Variants in AXDND1 observed in about 807,000 individuals in gnomAD.
AXDND1 encodes the protein axonemal dynein light chain domain-containing protein 1.
Under a neutral mutation model 137.5 loss-of-function variants are expected in AXDND1, and 110 were observed. The observed-to-expected ratio is 0.80, with a 90% CI of 0.69 to 0.94. The LOEUF is 0.94. Among genes scored for constraint, AXDND1 ranks in the 40% least tolerant of loss-of-function variants. The probability of loss-of-function intolerance (pLI) is 0.00; values close to 1 mark genes in which losing one functional copy is unlikely to be tolerated. For missense variants in AXDND1, 1,191 were observed against 1,169.8 expected (o/e 1.02, Z -0.26); for synonymous variants, 414 against 399.7 (o/e 1.04, Z -0.43).
At chr1:179,470,079 A>G (rs914530279) in intron 17 of AXDND1, among the ~76,000 whole-genome samples, 1 of 152,174 alleles carries the variant, frequency 6.6e-6, no homozygotes, top group East Asian at 1.9e-4. Flanking sequence ...GTTGAAGACT[A>G]TTCTTTCTCC....
chr1:179,478,638 G>A (rs1001716631), intron 17 of AXDND1, among the ~76,000 whole-genome samples: 1 of 152,232 alleles, frequency 6.6e-6, no homozygotes, highest in African/African-American at 2.4e-5. Context: ...TCTCTGACAT[G>A]ACCTGGAGAC....
At chr1:179,481,326 C>T (rs4652399) in intron 17 of AXDND1, among the ~76,000 whole-genome samples, 69,228 of 151,046 alleles carry the variant, frequency 0.46, 16,740 homozygotes, top group East Asian at 0.76. Flanking sequence ...TCATTTTTTA[C>T]GGCTGCATAG....
chr1:179,447,803 T>G, intron 16 of AXDND1: 1 of 1,306,202 alleles, frequency 7.7e-7, no homozygotes, highest in Non-Finnish European at 1.1e-6. Context: ...CTGCTTCCAG[T>G]TCCATTTGGC....
intron 5 of AXDND1, 92 bp from the exon 6 acceptor site, chr1:179,379,305 A>G (rs1463231803): frequency 4.5e-6 from 6 of 1,337,478 alleles, no homozygotes; most frequent in Admixed American, 2.7e-5. Flanking sequence ...AAAAAATAGT[A>G]TCTCTTTAGG....
intron 17 of AXDND1, 75 bp from the exon 18 acceptor site, chr1:179,483,053 C>CT: frequency 1.0e-6 from 1 of 999,336 alleles, no homozygotes. Flanking sequence ...AAATAAAACT[C>CT]TTTCTCATAG....
chr1:179,478,694 T>C (rs11809095), intron 17 of AXDND1, among the ~76,000 whole-genome samples: 6,948 of 152,338 alleles, frequency 0.046, 240 homozygotes, highest in Non-Finnish European at 0.069. Context: ...CCTCATTACT[T>C]ATGCAGATTT....
intron 17 of AXDND1, among the ~76,000 whole-genome samples, chr1:179,478,654 C>A (rs148657976): frequency 7.2e-4 from 110 of 152,342 alleles, no homozygotes; most frequent in African/African-American, 2.6e-3. Context: ...GAGACATTTT[C>A]CCCATTGTCT....
intron 11 of AXDND1, among the ~76,000 whole-genome samples, chr1:179,407,932 T>C (rs939024528): frequency 6.6e-6 from 1 of 152,244 alleles, no homozygotes; most frequent in Non-Finnish European, 1.5e-5. Flanking sequence ...ACATAAGCTT[T>C]CTTCATTGTT....
intron 15 of AXDND1, among the ~76,000 whole-genome samples, 186 bp downstream of exon 15, chr1:179,432,528 C>T (rs553643909): frequency 3.9e-5 from 6 of 151,966 alleles, no homozygotes; most frequent in African/African-American, 7.3e-5. Context: ...TGAGTTCAAG[C>T]GATTCTCCTG....
At chr1:179,422,045 GAAA>G (rs71111997) in intron 12 of AXDND1, among the ~76,000 whole-genome samples, 27 of 130,150 alleles carry the variant, frequency 2.1e-4, no homozygotes, top group African/African-American at 1.7e-4. Context: ...CATCTCAAAA[GAAA>G]AAAAAAAAAA....
At chr1:179,541,223 G>A (rs1195363838) in intron 25 of AXDND1, among the ~76,000 whole-genome samples, 1 of 152,130 alleles carries the variant, frequency 6.6e-6, no homozygotes. Context: ...CGTCGCACCT[G>A]GTACAGTCTC....
intron 9 of AXDND1, among the ~76,000 whole-genome samples, chr1:179,391,402 A>G (rs567405964): frequency 2.0e-5 from 3 of 152,106 alleles, no homozygotes; most frequent in Admixed American, 1.3e-4. Flanking sequence ...TGTTGCCATA[A>G]TCCCCACATG....
intron 15 of AXDND1, among the ~76,000 whole-genome samples, chr1:179,440,428 G>A (rs1658821305): frequency 6.6e-6 from 1 of 152,208 alleles, no homozygotes; most frequent in African/African-American, 2.4e-5. Context: ...GCTTAGCAAA[G>A]GTTGCTATGT....
intron 21 of AXDND1, among the ~76,000 whole-genome samples, chr1:179,509,959 A>AACT (rs1452145989): frequency 6.6e-6 from 1 of 152,148 alleles, no homozygotes; most frequent in Non-Finnish European, 1.5e-5. Flanking sequence ...AAAACTCTAG[A>AACT]ACTACTATAA....
intron 16 of AXDND1, among the ~76,000 whole-genome samples, chr1:179,465,950 C>T (rs2125465895): frequency 6.6e-6 from 1 of 152,244 alleles, no homozygotes; most frequent in Non-Finnish European, 1.5e-5. Flanking sequence ...CCTGGTGTGC[C>T]GTTTGCTAAG....
chr1:179,446,361 A>G (rs1659728899), intron 16 of AXDND1, among the ~76,000 whole-genome samples: 1 of 152,204 alleles, frequency 6.6e-6, no homozygotes, highest in Admixed American at 6.5e-5. Flanking sequence ...AACTCTTTGA[A>G]AATGTCAAAT....
chr1:179,466,282 CTTCTTTTTT>C (rs1663176703), intron 16 of AXDND1, among the ~76,000 whole-genome samples: 1 of 95,652 alleles, frequency 1.0e-5, no homozygotes, highest in Non-Finnish European at 2.0e-5. Flanking sequence ...TCTTCTTCTT[CTTCTTTTTT>C]TTTTTTTTTT....
intron 1 of AXDND1, 43 bp from the exon 2 acceptor site, chr1:179,366,361 C>T: frequency 1.8e-6 from 1 of 561,344 alleles, no homozygotes; most frequent in East Asian, 3.1e-5. Flanking sequence ...CAATAGTTGT[C>T]ATCTTTTTTT....
intron 21 of AXDND1, among the ~76,000 whole-genome samples, chr1:179,513,071 G>A (rs921553587): frequency 3.9e-5 from 6 of 152,088 alleles, no homozygotes; most frequent in Non-Finnish European, 8.8e-5. Context: ...TTGTCTGATT[G>A]CTCTGGCTGG....
Sources: gnomAD v4.1 joint callset for allele counts (sites outside exome capture counted in the v4.1 genomes callset) on GRCh38, gnomAD v4.1.1 for gene constraint, MANE v1.5 for transcripts, NCBI Gene and HGNC (gene_info 2026-07-23, HGNC 2026-07-21) for gene names.